Variants in CYSLTR2 observed in about 807,000 individuals in gnomAD.
CYSLTR2 encodes cysteinyl leukotriene receptor 2.
For missense variants in CYSLTR2, 398 were observed against 411.9 expected, an observed-to-expected ratio of 0.97 and a Z score of 0.29; for synonymous variants, 179 against 160.8, an observed-to-expected ratio of 1.11 and a Z score of -0.86.
intron 2 of CYSLTR2, among the ~76,000 whole-genome samples, chr13:48,693,192 A>G (rs1392325074): frequency 6.6e-6 from 1 of 151,928 alleles, no homozygotes; most frequent in African/African-American, 2.4e-5. Flanking sequence ...ACTAATGTAG[A>G]AAATTCAGTT....
chr13:48,671,206 A>G (rs1953420542), intron 1 of CYSLTR2, among the ~76,000 whole-genome samples: 1 of 152,188 alleles, frequency 6.6e-6, no homozygotes, highest in South Asian at 2.1e-4. Flanking sequence ...TAAATATACA[A>G]TCATGTCATC....
intron 1 of CYSLTR2, among the ~76,000 whole-genome samples, chr13:48,656,129 ATTAT>A (rs1441653518): frequency 2.6e-5 from 4 of 152,226 alleles, no homozygotes; most frequent in Non-Finnish European, 4.4e-5. Context: ...GGTAAAGTTC[ATTAT>A]TTAAGTTTAT....
At chr13:48,676,816 G>A (rs1593965996) in intron 1 of CYSLTR2, among the ~76,000 whole-genome samples, 2 of 152,202 alleles carry the variant, frequency 1.3e-5, no homozygotes, top group Non-Finnish European at 2.9e-5. Context: ...TTGTAAAATA[G>A]AGATAACAAT....
At chr13:48,660,514 A>C (rs1488272629) in intron 1 of CYSLTR2, among the ~76,000 whole-genome samples, 1 of 152,142 alleles carries the variant, frequency 6.6e-6, no homozygotes, top group Non-Finnish European at 1.5e-5. Flanking sequence ...AAAATTCTCC[A>C]AGGCACTGAG....
At chr13:48,694,869 A>G (rs1389905630) in intron 3 of CYSLTR2, 1 of 152,154 alleles carries the variant, frequency 6.6e-6, no homozygotes, top group Non-Finnish European at 1.5e-5. Context: ...TCCTAAACAC[A>G]AGCACCACTG....
At chr13:48,675,709 T>G (rs1193120710) in intron 1 of CYSLTR2, among the ~76,000 whole-genome samples, 1 of 152,050 alleles carries the variant, frequency 6.6e-6, no homozygotes, top group Non-Finnish European at 1.5e-5. Context: ...AAAAAACTCC[T>G]GCAGCTAGCT....
chr13:48,679,868 A>C (rs1162948687), intron 1 of CYSLTR2, among the ~76,000 whole-genome samples: 2 of 152,130 alleles, frequency 1.3e-5, no homozygotes, highest in African/African-American at 4.8e-5. Flanking sequence ...CCCCGATGCC[A>C]ATTTACCAGA....
At chr13:48,666,982 G>A (rs887190227) in intron 1 of CYSLTR2, among the ~76,000 whole-genome samples, 1 of 152,056 alleles carries the variant, frequency 6.6e-6, no homozygotes, top group Admixed American at 6.5e-5. Context: ...AATATTTGAT[G>A]TGTTCCTATG....
intron 1 of CYSLTR2, among the ~76,000 whole-genome samples, chr13:48,661,351 C>A (rs952203653): frequency 3.9e-5 from 6 of 152,050 alleles, no homozygotes; most frequent in Non-Finnish European, 7.4e-5. Context: ...GGATTTAAAT[C>A]CTGAGGTTGC....
intron 1 of CYSLTR2, among the ~76,000 whole-genome samples, chr13:48,676,292 T>C (rs1171063167): frequency 6.6e-6 from 1 of 152,170 alleles, no homozygotes; most frequent in Admixed American, 6.5e-5. Flanking sequence ...ACAGATACGA[T>C]TGGGACCAAG....
chr13:48,658,725 T>C (rs1031163032), intron 1 of CYSLTR2, among the ~76,000 whole-genome samples: 4 of 151,874 alleles, frequency 2.6e-5, no homozygotes, highest in Non-Finnish European at 1.5e-5. Flanking sequence ...TCAGAAGAAA[T>C]GGGCAAGAGA....
intron 1 of CYSLTR2, among the ~76,000 whole-genome samples, chr13:48,654,306 AGTGTGTGTGT>A (rs372670890): frequency 2.5e-5 from 1 of 40,572 alleles, no homozygotes; most frequent in African/African-American, 1.3e-4. Flanking sequence ...TGTGTGTGTG[AGTGTGTGTGT>A]GTGTGTGTGT....
At chr13:48,680,795 C>CTTTTTTTTTTTTTTTTTTTTTTTTTTTT (rs1268529678) in intron 1 of CYSLTR2, among the ~76,000 whole-genome samples, 1 of 110,618 alleles carries the variant, frequency 9.0e-6, no homozygotes, top group African/African-American at 4.2e-5. Context: ...CTTTTCTTTT[C>CTTTTTTTTTTTTTTTTTTTTTTTTTTTT]TTTTCTTTTT....
intron 1 of CYSLTR2, among the ~76,000 whole-genome samples, chr13:48,664,304 C>T (rs759681893): frequency 1.3e-5 from 2 of 151,768 alleles, no homozygotes; most frequent in Admixed American, 6.6e-5. Context: ...GTTGTTATGT[C>T]CCTATTCAGT....
chr13:48,690,583 C>G (rs1954013203), intron 1 of CYSLTR2, among the ~76,000 whole-genome samples: 1 of 152,154 alleles, frequency 6.6e-6, no homozygotes, highest in Non-Finnish European at 1.5e-5. Context: ...TTGAACCAGT[C>G]TTGCATGCCA....
At position 48,710,206 on chromosome 13, in the gene CYSLTR2, T is replaced by C. The variant is rs886297257; in HGVS notation, c.*2348T>C. ...GTTACAGCCAGCCAGTCTGAAAATA[T>C]TAAATGGAAAATTCCAGAAATAATT... On this transcript the variant is annotated 3_prime_UTR_variant, in exon 5 of 5. Transcript: ENST00000682523. The C allele has an allele frequency of 3.9e-5, 6 of 152,224 alleles. No individual in the cohort carries two copies. Among genetic ancestry groups the C allele is most frequent in the Non-Finnish European group, 7.3e-5 (5 of 68,042 alleles). 9.4% of individuals were successfully genotyped at this position (152,224 alleles called of 1,614,324 possible).
chr13:48,684,849 AC>A (rs1953857134), intron 1 of CYSLTR2, among the ~76,000 whole-genome samples: 1 of 152,196 alleles, frequency 6.6e-6, no homozygotes, highest in East Asian at 1.9e-4. Flanking sequence ...AGACACAGAA[AC>A]ACAGAGAAAA....
chr13:48,672,616 C>CTTTTTTTTTTTTT (rs71076039), intron 1 of CYSLTR2, among the ~76,000 whole-genome samples: 1 of 120,132 alleles, frequency 8.3e-6, no homozygotes, highest in Non-Finnish European at 1.7e-5. Flanking sequence ...CTTTTCTTTT[C>CTTTTTTTTTTTTT]TTTTTTTTTT....
intron 1 of CYSLTR2, among the ~76,000 whole-genome samples, chr13:48,688,147 A>G (rs974544106): frequency 1.3e-5 from 2 of 152,186 alleles, no homozygotes; most frequent in African/African-American, 4.8e-5. Context: ...CAATGGTGCA[A>G]TCATGGCTAA....
Sources: gnomAD v4.1 joint callset for allele counts (sites outside exome capture counted in the v4.1 genomes callset) on GRCh38, gnomAD v4.1.1 for gene constraint, MANE v1.5 for transcripts, NCBI Gene and HGNC (gene_info 2026-07-23, HGNC 2026-07-21) for gene names.